The following WDR70 variants were observed in gnomAD, a reference collection of about 807,000 sequenced individuals.
WDR70 encodes WD repeat-containing protein 70.
WDR70 carries 53 observed loss-of-function variants against 88.6 expected under a neutral mutation model. That is an observed-to-expected ratio of 0.60 (90% CI 0.48 to 0.75). WDR70 has a LOEUF of 0.75. WDR70 is among the 30% of genes least tolerant of loss of function. WDR70 has a pLI of 0.00. For missense variants in WDR70, 610 were observed against 823.2 expected (o/e 0.74, Z 3.17); for synonymous variants, 280 against 270.0 (o/e 1.04, Z -0.36).
intron 13 of WDR70, among the ~76,000 whole-genome samples, chr5:37,715,577 T>C (rs1300504135): frequency 1.3e-5 from 2 of 152,176 alleles, no homozygotes; most frequent in East Asian, 3.8e-4. Context: ...CTTCCTGAAC[T>C]TCAGAGGGAT....
At chr5:37,535,523 G>A (rs749419294) in intron 9 of WDR70, among the ~76,000 whole-genome samples, 25 of 152,164 alleles carry the variant, frequency 1.6e-4, no homozygotes, top group Admixed American at 2.6e-4. Context: ...TACTAAATCT[G>A]TACTGTATTT....
intron 10 of WDR70, among the ~76,000 whole-genome samples, chr5:37,625,846 G>T (rs1744648255): frequency 6.6e-6 from 1 of 151,848 alleles, no homozygotes; most frequent in Admixed American, 6.6e-5. Flanking sequence ...ATTTTAATTG[G>T]ATTTGTTTTT....
At chr5:37,381,147 A>G (rs1250721047) in intron 2 of WDR70, among the ~76,000 whole-genome samples, 1 of 152,246 alleles carries the variant, frequency 6.6e-6, no homozygotes, top group African/African-American at 2.4e-5. Context: ...ATTACTTCTC[A>G]TGTTGCCCCT....
At chr5:37,516,725 A>ATATATATATTTT (rs1197472263) in intron 9 of WDR70, 135 bp downstream of exon 9, 1 of 127,478 alleles carries the variant, frequency 7.8e-6, no homozygotes, top group African/African-American at 2.9e-5. Flanking sequence ...ATATATATAT[A>ATATATATATTTT]TTTTTTTTTT....
intron 9 of WDR70, among the ~76,000 whole-genome samples, chr5:37,578,517 C>T (rs762531907): frequency 6.6e-6 from 1 of 152,164 alleles, no homozygotes; most frequent in Non-Finnish European, 1.5e-5. Context: ...ATTTTAATAA[C>T]ACACTTCACT....
rs1159121715 is a variant in WDR70, at chr5:37,752,716, G to A, written c.*143G>A. On this transcript the variant is annotated 3_prime_UTR_variant, in exon 18 of 18. Coordinates refer to ENST00000265107, the MANE Select transcript of WDR70 (RefSeq NM_018034.4). ...TTATTGAACTGGTCAAAAGTTTGGT[G>A]GCTAGGCTTCACTAAAATTGTGCTT... 3 of 624,336 alleles carry A rather than the reference G, an allele frequency of 4.8e-6. No homozygotes were observed. Among genetic ancestry groups the A allele is most frequent in the Non-Finnish European group, 8.2e-6 (3 of 365,050 alleles). The allele number at this position is 624,336 out of a possible 1,614,324, so 38.7% of individuals were successfully genotyped here. A position where few individuals can be genotyped will look rare whatever the true frequency, so the allele number is the denominator to read the frequency against.
At chr5:37,564,273 C>T (rs1482334494) in intron 9 of WDR70, among the ~76,000 whole-genome samples, 3 of 152,200 alleles carry the variant, frequency 2.0e-5, no homozygotes, top group Admixed American at 6.5e-5. Context: ...TCTGCCATCC[C>T]GGCACCTCGG....
intron 7 of WDR70, among the ~76,000 whole-genome samples, chr5:37,472,837 G>A (rs527337589): frequency 8.5e-4 from 129 of 152,158 alleles, no homozygotes; most frequent in African/African-American, 2.8e-3. Context: ...GCTTTTGGAC[G>A]TAATGAATAA....
intron 5 of WDR70, among the ~76,000 whole-genome samples, chr5:37,436,060 A>G (rs1006710499): frequency 5.3e-5 from 8 of 152,300 alleles, no homozygotes; most frequent in Non-Finnish European, 1.2e-4. Context: ...ATAGAAATGC[A>G]TAAGAGGGTC....
chr5:37,704,158 A>G (rs1293517200), intron 13 of WDR70, among the ~76,000 whole-genome samples: 2 of 152,230 alleles, frequency 1.3e-5, no homozygotes, highest in Non-Finnish European at 1.5e-5. Context: ...AATAGATTCT[A>G]ATCTCATGAC....
chr5:37,564,835 T>G (rs893727243), intron 9 of WDR70, among the ~76,000 whole-genome samples: 2 of 152,302 alleles, frequency 1.3e-5, no homozygotes, highest in East Asian at 3.9e-4. Context: ...TTACAGCCTT[T>G]TTTTAAGAAA....
chr5:37,443,192 A>G (rs1213086498), intron 6 of WDR70, 47 bp from the exon 7 acceptor site: 3 of 1,547,496 alleles, frequency 1.9e-6, no homozygotes, highest in South Asian at 1.2e-5. Context: ...ATAATTGACC[A>G]TATGTCATTT....
intron 14 of WDR70, chr5:37,721,707 C>G (rs1747820294): frequency 1.3e-5 from 2 of 153,198 alleles, no homozygotes; most frequent in Non-Finnish European, 2.9e-5. Context: ...CATGCCCACC[C>G]AAGTTTCAAA....
chr5:37,704,613 C>T (rs1008431583), intron 13 of WDR70, among the ~76,000 whole-genome samples: 4 of 152,194 alleles, frequency 2.6e-5, no homozygotes, highest in Admixed American at 2.6e-4. Context: ...CGTCTGTCTT[C>T]TTCTACCAGG....
chr5:37,571,547 A>G (rs1742906023), intron 9 of WDR70, among the ~76,000 whole-genome samples: 1 of 152,224 alleles, frequency 6.6e-6, no homozygotes, highest in Admixed American at 6.5e-5. Flanking sequence ...CTACTGAATA[A>G]TTAATTTACC....
chr5:37,514,339 C>CATACATACATATATATATATATAT (rs1330415670), intron 8 of WDR70, among the ~76,000 whole-genome samples: 5 of 28,728 alleles, frequency 1.7e-4, no homozygotes, highest in African/African-American at 2.8e-4. Flanking sequence ...TTTAGAACTA[C>CATACATACATATATATATATATAT]ATATATATAT....
At chr5:37,519,910 C>T (rs1176244716) in intron 9 of WDR70, among the ~76,000 whole-genome samples, 1 of 152,130 alleles carries the variant, frequency 6.6e-6, no homozygotes, top group Non-Finnish European at 1.5e-5. Context: ...ATGAGGGTCC[C>T]TTTTTCTCCA....
chr5:37,629,774 A>G (rs1257866094), intron 10 of WDR70, among the ~76,000 whole-genome samples: 1 of 152,074 alleles, frequency 6.6e-6, no homozygotes, highest in Non-Finnish European at 1.5e-5. Context: ...CTGGCATTGC[A>G]TGTATTATGA....
intron 7 of WDR70, among the ~76,000 whole-genome samples, chr5:37,456,144 T>A (rs1252772101): frequency 6.6e-6 from 1 of 152,204 alleles, no homozygotes; most frequent in Non-Finnish European, 1.5e-5. Context: ...TGTCAGATGA[T>A]ATGTGAGTAT....
Sources: allele counts gnomAD v4.1 joint callset (sites outside exome capture counted in the v4.1 genomes callset), GRCh38; gene constraint gnomAD v4.1.1; transcripts MANE v1.5; gene names NCBI Gene and HGNC (gene_info 2026-07-23, HGNC 2026-07-21).